SLIT1: variants seen among roughly 807,000 people sequenced by gnomAD.
SLIT1 encodes slit guidance ligand 1, also known as slit homolog 1 protein.
SLIT1 carries 66 observed loss-of-function variants against 186.1 expected under a neutral mutation model. That is an observed-to-expected ratio of 0.35 (90% CI 0.29 to 0.44). The LOEUF is 0.44. Among genes scored for constraint, SLIT1 ranks in the 20% least tolerant of loss-of-function variants. The probability of loss-of-function intolerance (pLI) is 1.00; values close to 1 mark genes in which losing one functional copy is unlikely to be tolerated. For synonymous variants in SLIT1, 761 were observed against 833.8 expected, an observed-to-expected ratio of 0.91 and a Z score of 1.50; for missense variants, 1,638 against 2,037.4, an observed-to-expected ratio of 0.80 and a Z score of 3.77.
chr10:97,105,641 T>A (rs1238730689), intron 4 of SLIT1, among the ~76,000 whole-genome samples: 1 of 152,168 alleles, frequency 6.6e-6, no homozygotes, highest in Non-Finnish European at 1.5e-5. Flanking sequence ...GGGGTCAGAA[T>A]CTAGAAGATG....
In SLIT1 at chr10:97,059,484, T is replaced by C; in HGVS notation, c.1061A>G (p.Gln354Arg). The stretch of plus-strand genomic sequence containing the variant: ...CAGCGAGTTCAGGGAGCGGAGGCCC[T>C]GGAAGGCGTCGGGTGCAATCTCAGC... Reference protein sequence around the residue: ...QIAEIAPDAFQGLRSLNSLVL... With the variant: ...QIAEIAPDAFRGLRSLNSLVL... Residue 354 changes from glutamine (Q) to arginine (R), a missense_variant, in exon 11 of 37, where the codon CAG becomes CGG. Coordinates refer to ENST00000266058, the MANE Select transcript of SLIT1 (RefSeq NM_003061.3). The C allele has an allele frequency of 6.2e-7, 1 of 1,613,808 alleles. No individual in the cohort carries two copies. Among genetic ancestry groups the C allele is most frequent in the Non-Finnish European group, 8.5e-7 (1 of 1,179,982 alleles).
chr10:97,056,761 T>G (rs1040846369), intron 12 of SLIT1, among the ~76,000 whole-genome samples: 43 of 151,952 alleles, frequency 2.8e-4, no homozygotes, highest in Non-Finnish European at 2.9e-5. Flanking sequence ...AAGGCATTTT[T>G]GGGGGGGGCT....
intron 4 of SLIT1, 122 bp downstream of exon 4, chr10:97,157,696 G>T: frequency 1.3e-6 from 1 of 750,438 alleles, no homozygotes; most frequent in East Asian, 2.5e-5. Context: ...ATTCCTGCCA[G>T]GGGAGGAGCA....
intron 4 of SLIT1, among the ~76,000 whole-genome samples, chr10:97,074,508 G>T (rs1308022006): frequency 6.6e-6 from 1 of 152,206 alleles, no homozygotes; most frequent in Non-Finnish European, 1.5e-5. Context: ...ACTTGTTATT[G>T]TGGATGATGT....
chr10:97,048,021 T>C (rs1325925468), intron 14 of SLIT1, 25 bp from the exon 15 acceptor site: 5 of 1,613,764 alleles, frequency 3.1e-6, no homozygotes, highest in East Asian at 2.2e-5. Flanking sequence ...AGAAATACCA[T>C]AATGCAGGAA....
At chr10:97,074,008 T>C (rs1306015077) in intron 4 of SLIT1, among the ~76,000 whole-genome samples, 1 of 152,038 alleles carries the variant, frequency 6.6e-6, no homozygotes, top group African/African-American at 2.4e-5. Context: ...CCTTCACACC[T>C]CAGTCTACAA....
chr10:97,062,870 G>C (rs1441804724), intron 8 of SLIT1, among the ~76,000 whole-genome samples: 1 of 152,248 alleles, frequency 6.6e-6, no homozygotes, highest in African/African-American at 2.4e-5. Context: ...TAAGCCAGGG[G>C]CCAGGGAGGA....
chr10:97,170,104 T>C (rs1018065771), intron 1 of SLIT1, among the ~76,000 whole-genome samples: 1 of 152,252 alleles, frequency 6.6e-6, no homozygotes, highest in Non-Finnish European at 1.5e-5. Flanking sequence ...GTGCTTTGCC[T>C]ACACAACAAT....
intron 1 of SLIT1, among the ~76,000 whole-genome samples, chr10:97,181,050 C>T (rs1850330466): frequency 6.6e-6 from 1 of 152,218 alleles, no homozygotes. Flanking sequence ...CACTATCAAC[C>T]TGCACAGCTG....
At chr10:97,036,453 G>A (rs1016077457) in intron 22 of SLIT1, among the ~76,000 whole-genome samples, 3 of 152,214 alleles carry the variant, frequency 2.0e-5, no homozygotes, top group Non-Finnish European at 4.4e-5. Context: ...CTGTAAGCCA[G>A]AGCCGCCCAA....
At chr10:97,041,029 A>C (rs994852866) in intron 20 of SLIT1, among the ~76,000 whole-genome samples, 1 of 152,200 alleles carries the variant, frequency 6.6e-6, no homozygotes, top group East Asian at 1.9e-4. Flanking sequence ...AGGAAACTAA[A>C]GGCAGAGTGG....
At chr10:97,048,884 C>G (rs1848761347) in intron 14 of SLIT1, 71 bp downstream of exon 14, 1 of 1,502,434 alleles carries the variant, frequency 6.7e-7, no homozygotes, top group Non-Finnish European at 9.1e-7. Context: ...TGCAGGTGGA[C>G]AAGTAGGCCG....
At position 97,043,553 on chromosome 10, in the gene SLIT1, C is replaced by T; in HGVS notation, c.1854-40G>A. 6.3e-7 allele frequency: 1 copy of T among 1,589,678 alleles called. No homozygotes were observed. Among genetic ancestry groups the T allele is most frequent in the South Asian group, 1.1e-5 (1 of 88,418 alleles). On this transcript the variant is annotated intron_variant, in intron 18 of 36. Transcript: ENST00000266058. The surrounding 1 kb of genome is among the most constrained non-coding windows in gnomAD (Gnocchi z 7.0). ...GGGAGGGAGGAGGGGACCCTTGCTG[C>T]CCTGCCAGCCATCCACCTGGGCCAC...
chr10:97,130,325 T>C (rs1245227872), intron 4 of SLIT1, among the ~76,000 whole-genome samples: 1 of 152,200 alleles, frequency 6.6e-6, no homozygotes, highest in Non-Finnish European at 1.5e-5. Context: ...TTCATGGAAG[T>C]ATTATTCACA....
chr10:97,061,371 TA>T (rs1848892547), intron 8 of SLIT1, among the ~76,000 whole-genome samples: 1 of 152,212 alleles, frequency 6.6e-6, no homozygotes. Context: ...AATGGAGGTA[TA>T]ACTTATACAA....
chr10:97,029,464 G>A (rs529035708), intron 25 of SLIT1, among the ~76,000 whole-genome samples: 55 of 152,274 alleles, frequency 3.6e-4, no homozygotes, highest in African/African-American at 1.2e-3. Flanking sequence ...GAGGTGCCAG[G>A]CAGAGTCCAC....
rs1326007811 is a variant in SLIT1, at chr10:97,018,567, G to GCCCCT, written c.2969+14_2969+18dup. On this transcript the variant is annotated intron_variant, in intron 28 of 36. Transcript: ENST00000266058. ...GCCCATCAGCACTCACCAGGCTCCT[G>GCCCCT]CCCCTCCAGGTAACTCACGTGAACG... 3.3e-6 allele frequency: 5 copies of GCCCCT among 1,508,636 alleles called. No individual in the cohort carries two copies. The highest frequency in any genetic ancestry group is 4.5e-6 in the Non-Finnish European group (5 of 1,105,618). The allele number at this position is 1,508,636 out of a possible 1,614,324, so 93.5% of individuals were successfully genotyped here. A position where few individuals can be genotyped will look rare whatever the true frequency, so the allele number is the denominator to read the frequency against.
At chr10:97,095,276 CCTT>C (rs1220708480) in intron 4 of SLIT1, among the ~76,000 whole-genome samples, 1 of 152,300 alleles carries the variant, frequency 6.6e-6, no homozygotes. Flanking sequence ...GAGCAAAACT[CCTT>C]CTCAAAAACA....
intron 4 of SLIT1, among the ~76,000 whole-genome samples, chr10:97,089,918 G>A (rs767212044): frequency 1.3e-5 from 2 of 152,140 alleles, no homozygotes; most frequent in Non-Finnish European, 2.9e-5. Flanking sequence ...TAACATCTCC[G>A]TGCCTCTCTT....
Sources: allele counts gnomAD v4.1 joint callset (sites outside exome capture counted in the v4.1 genomes callset), GRCh38; gene constraint gnomAD v4.1.1; non-coding constraint Gnocchi (gnomAD v3.1); transcripts MANE v1.5; gene names NCBI Gene and HGNC (gene_info 2026-07-23, HGNC 2026-07-21).